ECH1: variants seen among roughly 807,000 people sequenced by gnomAD.
The protein encoded by ECH1 is delta(3,5)-Delta(2,4)-dienoyl-CoA isomerase, mitochondrial.
A neutral mutation model predicts 37.0 loss-of-function variants in ECH1; 30 were observed. The ratio of observed to expected loss-of-function variants is 0.81; its 90% CI spans 0.61 to 1.10. The LOEUF (loss-of-function observed/expected upper bound fraction) is 1.10, where lower values mean the gene tolerates loss of function less well. Ranked by LOEUF, ECH1 falls within the 50% of genes least tolerant of loss-of-function variation. ECH1 has a pLI of 0.00. For missense variants in ECH1, 456 were observed against 441.6 expected (o/e 1.03, Z -0.29); for synonymous variants, 178 against 176.0 (o/e 1.01, Z -0.09).
rs78637797 is a variant in ECH1 at position 38,831,712 on chromosome 19, G to T, written c.52+9C>A. On this transcript the variant is annotated intron_variant, in intron 1 of 9. Transcript: ENST00000221418. ...GCGACGCACCCCCATAAGGCAAGAGGTGACTCACGCCGGGTCAGTAGGTCG... is the reference window on the plus strand; with the variant it reads ...GCGACGCACCCCCATAAGGCAAGAGTTGACTCACGCCGGGTCAGTAGGTCG... The T allele has an allele frequency of 2.3e-3, 3,789 of 1,613,752 alleles. 73 individuals are homozygous for T. In the African/African-American group the frequency reaches 0.044, roughly 19 times the overall value.
At chr19:38,830,014 G>A (rs746653249) in intron 3 of ECH1, among the ~76,000 whole-genome samples, 10 of 151,886 alleles carry the variant, frequency 6.6e-5, no homozygotes, top group Non-Finnish European at 1.2e-4. Flanking sequence ...AAAATTAGCC[G>A]GGCGTGGTGG....
At chr19:38,826,463 G>T (rs532462284) in intron 3 of ECH1, among the ~76,000 whole-genome samples, 123 of 152,364 alleles carry the variant, frequency 8.1e-4, no homozygotes, top group African/African-American at 2.9e-3. Context: ...AAATGCAGCA[G>T]TCCCTACAAC....
In ECH1 at chr19:38,817,301, T is replaced by C. The variant is rs1002705258; in HGVS notation, c.523+15A>G. 5 of 1,542,814 alleles carry C rather than the reference T, an allele frequency of 3.2e-6. No individual in the cohort carries two copies. The highest frequency in any genetic ancestry group is 2.4e-5 in the East Asian group (1 of 42,008). On this transcript the variant is annotated intron_variant, in intron 5 of 9. Coordinates refer to ENST00000221418, the MANE Select transcript of ECH1 (RefSeq NM_001398.3). The stretch of plus-strand genomic sequence containing the variant: ...CCTGGGGAGCACCCGAGCAGGAGGA[T>C]AGCCGCAGACTCACCTCCGCCAATG...
In ECH1 at chr19:38,815,469, C is replaced by T; in HGVS notation, c.*144G>A. Reference sequence around the variant, plus strand: ...TGTGGGGTGAAGATAAGGCCTTGGGCTTGAGAAACTCATTGTCATAAAGTT... The same window carrying T: ...TGTGGGGTGAAGATAAGGCCTTGGGTTTGAGAAACTCATTGTCATAAAGTT... On this transcript the variant is annotated 3_prime_UTR_variant, in exon 10 of 10. Coordinates refer to ENST00000221418, the MANE Select transcript of ECH1 (RefSeq NM_001398.3). 1 of 752,206 alleles carries T rather than the reference C, an allele frequency of 1.3e-6. No homozygotes were observed. Among genetic ancestry groups the T allele is most frequent in the African/African-American group, 1.8e-5 (1 of 56,920 alleles). The allele number at this position is 752,206 out of a possible 1,614,324, so 46.6% of individuals were successfully genotyped here.
rs768446545 is a variant in ECH1, at chr19:38,831,320, C to T, written c.249G>A (p.Lys83=). 4 of 1,611,148 alleles carry T rather than the reference C, an allele frequency of 2.5e-6. No individual in the cohort carries two copies. The highest frequency in any genetic ancestry group is 3.3e-5 in the Admixed American group (2 of 59,866). ...NRPNKRNAMN[K]VFWREMVECF... The stretch of plus-strand genomic sequence containing the variant: ...TCTGCAGGTCAGACCTCCAGAAGAC[C>T]TTGTTCATGGCATTCCTCTTGTTGG... Residue 83 remains lysine, a synonymous_variant, in exon 2 of 10, where the codon AAG becomes AAA. Coordinates refer to ENST00000221418, the MANE Select transcript of ECH1 (RefSeq NM_001398.3).
chr19:38,818,932 T>TGTGTGCGC lies in ECH1; in HGVS notation c.350-1358_350-1357insGCGCACAC, dbSNP rs144733422. ...GTGTGTGTGTGTGTGTGTGTGTGTG[T>TGTGTGCGC]GCACTGTTCCCAACCTGTTACTTTG... is the stretch of plus-strand genomic sequence containing the variant. On this transcript the variant is annotated intron_variant, in intron 3 of 9. Coordinates refer to ENST00000221418, the MANE Select transcript of ECH1 (RefSeq NM_001398.3). 8.1e-3 allele frequency among the ~76,000 whole-genome samples: 1,158 copies of TGTGTGCGC among 142,852 alleles called. 23 individuals carry two copies. The highest frequency in any genetic ancestry group is 0.022 in the East Asian group (107 of 4,860). 93.7% of individuals were successfully genotyped at this position (142,852 alleles called of 152,430 possible).
At chr19:38,829,040 T>G (rs1209733312) in intron 3 of ECH1, among the ~76,000 whole-genome samples, 1 of 151,216 alleles carries the variant, frequency 6.6e-6, no homozygotes, top group East Asian at 2.0e-4. Context: ...ATCCCAGCAC[T>G]TTGGGAGGCC....
In ECH1 at chr19:38,817,010, C is replaced by T. The variant is rs184901880; in HGVS notation, c.588+55G>A. The T allele has an allele frequency of 5.3e-3, 8,117 of 1,544,776 alleles. 29 individuals carry two copies. Among genetic ancestry groups the T allele is most frequent in the Non-Finnish European group, 6.3e-3 (7,144 of 1,140,970 alleles). ...AAGCCCTCGAGGCTCACTCCAGGCC[C>T]CCCAACCTCACCCCACTGCCCAGCT... On this transcript the variant is annotated intron_variant, in intron 6 of 9. Coordinates refer to ENST00000221418, the MANE Select transcript of ECH1 (RefSeq NM_001398.3).
intron 3 of ECH1, among the ~76,000 whole-genome samples, chr19:38,828,759 G>C (rs527920189): frequency 6.6e-6 from 1 of 151,862 alleles, no homozygotes; most frequent in Non-Finnish European, 1.5e-5. Context: ...GGGACTAAAG[G>C]TGCCCGCCAC....
At chr19:38,830,016 G>C (rs886547001) in intron 3 of ECH1, among the ~76,000 whole-genome samples, 15 of 152,088 alleles carry the variant, frequency 9.9e-5, no homozygotes, top group African/African-American at 3.4e-4. Flanking sequence ...AATTAGCCGG[G>C]CGTGGTGGCG....
rs567732405 is a variant in ECH1 at position 38,823,699 on chromosome 19, C to T, written c.350-6124G>A. On this transcript the variant is annotated intron_variant, in intron 3 of 9. Coordinates refer to ENST00000221418, the MANE Select transcript of ECH1 (RefSeq NM_001398.3). ...CCCGACAAGACAACAAGTTCGTTGA[C>T]CCTGCAGCCATGAGCGGAACACTCA... is the stretch of plus-strand genomic sequence containing the variant. Among the ~76,000 whole-genome samples the T allele has an allele frequency of 7.9e-5, 12 of 152,316 alleles. No individual in the cohort carries two copies. In the South Asian group the frequency reaches 2.5e-3, roughly 32 times the overall value.
At chr19:38,827,264 G>C (rs918856325) in intron 3 of ECH1, among the ~76,000 whole-genome samples, 1 of 152,228 alleles carries the variant, frequency 6.6e-6, no homozygotes, top group African/African-American at 2.4e-5. Context: ...TCCTAGTCAA[G>C]ACTGGGTTCC....
At chr19:38,815,748 G>A in intron 9 of ECH1, 31 bp from the exon 10 acceptor site, 1 of 1,614,048 alleles carries the variant, frequency 6.2e-7, no homozygotes. Flanking sequence ...AGAGAACGAG[G>A]AGAGAGATTA....
chr19:38,821,548 C>T (rs966466393), intron 3 of ECH1, among the ~76,000 whole-genome samples: 2 of 152,190 alleles, frequency 1.3e-5, no homozygotes, highest in Admixed American at 6.5e-5. Context: ...CCGGCCAGCG[C>T]AAGTTCCGGG....
At chr19:38,824,639 C>T (rs913486794) in intron 3 of ECH1, among the ~76,000 whole-genome samples, 2 of 151,964 alleles carry the variant, frequency 1.3e-5, no homozygotes, top group South Asian at 4.2e-4. Flanking sequence ...GCAGCTTGAC[C>T]TTTTCTGTAA....
chr19:38,824,126 G>A (rs1307238155), intron 3 of ECH1, among the ~76,000 whole-genome samples: 5 of 152,182 alleles, frequency 3.3e-5, no homozygotes, highest in Admixed American at 6.6e-5. Context: ...CAACCCTGGA[G>A]ATCCCTTCCC....
chr19:38,820,360 A>G (rs1018888833), intron 3 of ECH1: 2 of 152,006 alleles, frequency 1.3e-5, no homozygotes, highest in Middle Eastern at 3.4e-3. Context: ...GCGCCCGGCA[A>G]TCCCCCTTAC....
chr19:38,831,446 C>G lies in ECH1; in HGVS notation c.123G>C (p.Glu41Asp), dbSNP rs1431204534. The G allele has an allele frequency of 6.2e-7, 1 of 1,613,908 alleles. No homozygotes were observed. Among genetic ancestry groups the G allele is most frequent in the Admixed American group, 1.7e-5 (1 of 60,008 alleles). ...CTTCACCGAGGGCTACTCCGGAAGCCTCCTCTTGTGCAGAGGAGCCAGTGA... is the reference window on the plus strand; with the variant it reads ...CTTCACCGAGGGCTACTCCGGAAGCGTCCTCTTGTGCAGAGGAGCCAGTGA... ...LRLTGSSAQE[E>D]ASGVALGEAP... is the part of the protein sequence containing the mutation. Residue 41 changes from glutamate (E) to aspartate (D), a missense_variant, in exon 2 of 10, where the codon GAG (glutamate) becomes GAC (aspartate). Glu to Asp is a conservative substitution (Grantham distance 45, BLOSUM62 2). Transcript: ENST00000221418.
At chr19:38,825,434 G>A (rs541208304) in intron 3 of ECH1, among the ~76,000 whole-genome samples, 9 of 152,228 alleles carry the variant, frequency 5.9e-5, no homozygotes, top group African/African-American at 9.6e-5. Flanking sequence ...TATACTCCCC[G>A]GTCACCCGAA....
Sources: gnomAD v4.1 joint callset for allele counts (sites outside exome capture counted in the v4.1 genomes callset) on GRCh38, gnomAD v4.1.1 for gene constraint, MANE v1.5 for transcripts, NCBI Gene and HGNC (gene_info 2026-07-23, HGNC 2026-07-21) for gene names.